RYR2: variants seen among roughly 807,000 people sequenced by gnomAD.
RYR2 encodes the protein ryanodine receptor 2.
Under a neutral mutation model 601.1 loss-of-function variants are expected in RYR2, and 227 were observed. That is an observed-to-expected ratio of 0.38 (90% CI 0.34 to 0.42). The LOEUF is 0.42. Among genes scored for constraint, RYR2 ranks in the 10% least tolerant of loss-of-function variants. RYR2 has a pLI of 1.00. For missense variants in RYR2, 4,646 were observed against 6,156.5 expected, an observed-to-expected ratio of 0.75 and a Z score of 8.21; for synonymous variants, 2,223 against 2,175.1, an observed-to-expected ratio of 1.02 and a Z score of -0.61.
chr1:237,803,002 C>G (rs1660154260), intron 98 of RYR2, among the ~76,000 whole-genome samples: 1 of 152,204 alleles, frequency 6.6e-6, no homozygotes, highest in Admixed American at 6.5e-5. Context: ...CACCTCTCAA[C>G]ATGCATTCAT....
intron 8 of RYR2, among the ~76,000 whole-genome samples, chr1:237,386,210 A>G (rs889494622): frequency 6.6e-6 from 1 of 152,202 alleles, no homozygotes; most frequent in Non-Finnish European, 1.5e-5. Flanking sequence ...TGACTGATAA[A>G]CACTGTGTAC....
intron 6 of RYR2, among the ~76,000 whole-genome samples, chr1:237,372,584 G>T (rs1260984900): frequency 2.0e-5 from 3 of 152,182 alleles, no homozygotes. Context: ...AAAACAATTT[G>T]TATAGAGCAA....
At chr1:237,144,463 A>G (rs532452158) in intron 1 of RYR2, among the ~76,000 whole-genome samples, 1 of 152,284 alleles carries the variant, frequency 6.6e-6, no homozygotes, top group African/African-American at 2.4e-5. Flanking sequence ...TAGGGACACT[A>G]TCTTCTTTGG....
intron 2 of RYR2, among the ~76,000 whole-genome samples, chr1:237,327,834 AT>A (rs1028005808): frequency 2.6e-5 from 4 of 151,994 alleles, no homozygotes; most frequent in Admixed American, 6.6e-5. Flanking sequence ...TTATTATCCA[AT>A]TTTTTTTAGG....
At chr1:237,209,497 A>ATGTGTGTGTGTGTGTGTGTGTG (rs55861841) in intron 1 of RYR2, among the ~76,000 whole-genome samples, 2,108 of 143,310 alleles carry the variant, frequency 0.015, 38 homozygotes, top group East Asian at 0.054. Flanking sequence ...ATCTGCATAT[A>ATGTGTGTGTGTGTGTGTGTGTG]TGTGTGTGTG....
At chr1:237,340,501 G>A (rs758481484) in intron 3 of RYR2, among the ~76,000 whole-genome samples, 2 of 152,150 alleles carry the variant, frequency 1.3e-5, no homozygotes, top group African/African-American at 2.4e-5. Flanking sequence ...CCCCTTGTAC[G>A]TCCTCATAAC....
chr1:237,575,860 GAAGACAATAT>G (rs1455842656), intron 29 of RYR2, among the ~76,000 whole-genome samples: 5 of 152,064 alleles, frequency 3.3e-5, no homozygotes, highest in Non-Finnish European at 7.4e-5. Context: ...ATCATCATTC[GAAGACAATAT>G]AAGTATTTAC....
At chr1:237,569,474 T>C (rs1023825256) in intron 29 of RYR2, among the ~76,000 whole-genome samples, 155 bp downstream of exon 29, 1 of 152,156 alleles carries the variant, frequency 6.6e-6, no homozygotes, top group African/African-American at 2.4e-5. Context: ...CTTGATCAGA[T>C]GCCCTTGAAA....
chr1:237,784,120 C>G lies in RYR2; in HGVS notation c.12408C>G (p.Ile4136Met). 6.2e-7 allele frequency: 1 copy of G among 1,613,962 alleles called. No homozygotes were observed. Among genetic ancestry groups the G allele is most frequent in the African/African-American group, 1.3e-5 (1 of 75,022 alleles). The change falls in exon 90 of 105, where the codon ATC (isoleucine) becomes ATG (methionine). Residue 4136 changes from isoleucine (I) to methionine (M), a missense_variant. By Grantham distance (10) the Ile-to-Met change is conservative. This residue lies in a region of RYR2 where 70 missense variants were observed against 164.6 expected (regional missense o/e 0.43). Coordinates refer to ENST00000366574, the MANE Select transcript of RYR2 (RefSeq NM_001035.3). The surrounding 1 kb of genome is among the most constrained non-coding windows in gnomAD (Gnocchi z 7.1). ...ATTTCCAGCCCTTTCTGGGCCGCATCGAAATCATGGGAAGCGCCAAACGCA... is the reference window on the plus strand; with the variant it reads ...ATTTCCAGCCCTTTCTGGGCCGCATGGAAATCATGGGAAGCGCCAAACGCA... ...LNYFQPFLGRIEIMGSAKRIE... is the reference protein window; with the variant it reads ...LNYFQPFLGRMEIMGSAKRIE...
chr1:237,413,183 T>C (rs1042021095), intron 10 of RYR2, among the ~76,000 whole-genome samples: 8 of 152,040 alleles, frequency 5.3e-5, no homozygotes, highest in African/African-American at 1.9e-4. Flanking sequence ...AACTATGTAA[T>C]AGCAAAGATT....
chr1:237,457,511 C>T (rs1211227865), intron 16 of RYR2, among the ~76,000 whole-genome samples: 1 of 152,174 alleles, frequency 6.6e-6, no homozygotes, highest in Non-Finnish European at 1.5e-5. Flanking sequence ...AAAGAAATAG[C>T]TGTAGAGATT....
chr1:237,827,035 A>G (rs1382218824), intron 101 of RYR2, among the ~76,000 whole-genome samples: 1 of 152,258 alleles, frequency 6.6e-6, no homozygotes, highest in African/African-American at 2.4e-5. Context: ...CGCTTAACAC[A>G]TGTATCCTGG....
chr1:237,054,207 C>T (rs188395157), intron 1 of RYR2, among the ~76,000 whole-genome samples: 2,110 of 147,790 alleles, frequency 0.014, 51 homozygotes, highest in African/African-American at 0.05. Flanking sequence ...CTTCTTTCCT[C>T]CCTTCCTTCC....
intron 1 of RYR2, among the ~76,000 whole-genome samples, chr1:237,210,585 C>T (rs1682463772): frequency 6.6e-6 from 1 of 152,142 alleles, no homozygotes; most frequent in South Asian, 2.1e-4. Context: ...TCTGCCATTC[C>T]ATTATATGCT....
At chr1:237,273,545 G>C (rs775280911) in intron 2 of RYR2, among the ~76,000 whole-genome samples, 1 of 111,930 alleles carries the variant, frequency 8.9e-6, no homozygotes, top group Non-Finnish European at 1.7e-5. Context: ...ATGGAATGAT[G>C]GTTTTAGGGG....
chr1:237,629,419 A>G (rs1680022989), intron 41 of RYR2, among the ~76,000 whole-genome samples: 1 of 152,046 alleles, frequency 6.6e-6, no homozygotes, highest in Non-Finnish European at 1.5e-5. Context: ...AATCAAAATC[A>G]TAACAAAGAT....
At chr1:237,785,618 A>G (rs1695486803) in intron 90 of RYR2, among the ~76,000 whole-genome samples, 1 of 152,248 alleles carries the variant, frequency 6.6e-6, no homozygotes, top group Non-Finnish European at 1.5e-5. Context: ...CAATGCCGCT[A>G]TGGTTTAAAG....
chr1:237,739,315 T>C (rs534708542), intron 79 of RYR2, among the ~76,000 whole-genome samples: 6 of 152,308 alleles, frequency 3.9e-5, no homozygotes, highest in African/African-American at 1.4e-4. Context: ...ATGGAGAACT[T>C]CAGTGCATCC....
chr1:237,570,577 G>C (rs1283212674), intron 29 of RYR2, among the ~76,000 whole-genome samples: 3 of 151,944 alleles, frequency 2.0e-5, no homozygotes, highest in African/African-American at 7.2e-5. Context: ...GACCTCAGGT[G>C]ATCCACCCAC....
Sources: gnomAD v4.1 joint callset for allele counts (sites outside exome capture counted in the v4.1 genomes callset) on GRCh38, gnomAD v4.1.1 for gene constraint, gnomAD v4.1.1 regional missense constraint, Gnocchi (gnomAD v3.1) non-coding constraint, MANE v1.5 for transcripts, NCBI Gene and HGNC (gene_info 2026-07-23, HGNC 2026-07-21) for gene names.